The following HYCC1 variants were observed in gnomAD, a reference collection of about 807,000 sequenced individuals.
HYCC1 encodes hyccin PI4KA lipid kinase complex subunit 1, also known as hyccin.
the HYCC1 span, among the ~76,000 whole-genome samples, chr7:22,984,649 G>C: frequency 6.6e-6 from 1 of 152,200 alleles, no homozygotes; most frequent in African/African-American, 2.4e-5. Context: ...TTGAGCCTGG[G>C]AGGTCAACGC....
chr7:22,912,512 T>C, the HYCC1 span, among the ~76,000 whole-genome samples: 1 of 152,206 alleles, frequency 6.6e-6, no homozygotes, highest in South Asian at 2.1e-4. Flanking sequence ...ATGGAGGGTC[T>C]ACCCCAAGTG....
the HYCC1 span, among the ~76,000 whole-genome samples, chr7:22,961,774 T>C: frequency 6.6e-6 from 1 of 152,168 alleles, no homozygotes; most frequent in African/African-American, 2.4e-5. Context: ...TGATAATCAC[T>C]TAGAAGTGTA....
the HYCC1 span, among the ~76,000 whole-genome samples, chr7:22,970,143 CAG>C: frequency 6.6e-6 from 1 of 152,066 alleles, no homozygotes; most frequent in African/African-American, 2.4e-5. Flanking sequence ...AATAAAATTC[CAG>C]GTTCTCTCAT....
At chr7:22,925,328 C>A in the HYCC1 span, among the ~76,000 whole-genome samples, 3 of 152,242 alleles carry the variant, frequency 2.0e-5, no homozygotes, top group East Asian at 1.9e-4. Flanking sequence ...CAAAGCTGAG[C>A]GGAGAATAAC....
At chr7:22,945,580 T>C in the HYCC1 span, 1 of 1,581,992 alleles carries the variant, frequency 6.3e-7, no homozygotes, top group Admixed American at 1.7e-5. Context: ...GAGAAAAATA[T>C]GTTACTAATT....
chr7:22,998,846 A>C, the HYCC1 span, among the ~76,000 whole-genome samples: 1 of 152,152 alleles, frequency 6.6e-6, no homozygotes. Context: ...CTTCTACATC[A>C]AACTTTCCCT....
chr7:22,929,995 T>C, the HYCC1 span, among the ~76,000 whole-genome samples: 23 of 151,974 alleles, frequency 1.5e-4, no homozygotes, highest in Non-Finnish European at 2.9e-4. Flanking sequence ...ATATACACCA[T>C]GGAATACTAT....
the HYCC1 span, among the ~76,000 whole-genome samples, chr7:22,914,921 T>C: frequency 3.3e-5 from 5 of 152,190 alleles, no homozygotes; most frequent in Admixed American, 2.0e-4. Context: ...CTCTCCCACC[T>C]GCCCAAAAAT....
the HYCC1 span, among the ~76,000 whole-genome samples, chr7:22,998,965 T>G: frequency 1.3e-5 from 2 of 152,172 alleles, no homozygotes; most frequent in Non-Finnish European, 2.9e-5. Flanking sequence ...TTCTCTACCT[T>G]CCTTTCACTC....
At chr7:22,949,614 G>A in the HYCC1 span, among the ~76,000 whole-genome samples, 4 of 151,898 alleles carry the variant, frequency 2.6e-5, no homozygotes, top group East Asian at 7.7e-4. Flanking sequence ...TTTTTTAAGA[G>A]ATGCCAATGA....
the HYCC1 span, among the ~76,000 whole-genome samples, chr7:22,905,121 C>T: frequency 1.3e-5 from 2 of 152,202 alleles, no homozygotes; most frequent in Non-Finnish European, 2.9e-5. Flanking sequence ...AGGGTTGGCA[C>T]TAAGCCATTC....
the HYCC1 span, among the ~76,000 whole-genome samples, chr7:22,948,110 G>T: frequency 2.6e-5 from 4 of 152,034 alleles, no homozygotes; most frequent in Admixed American, 2.6e-4. Context: ...AATAAGAAAG[G>T]CATAATGTTA....
chr7:23,012,183 A>G, the HYCC1 span, among the ~76,000 whole-genome samples: 4 of 152,194 alleles, frequency 2.6e-5, no homozygotes, highest in Admixed American at 1.3e-4. Context: ...GAATACTAAG[A>G]TTTCTTAAAA....
chr7:22,933,148 T>C, the HYCC1 span, among the ~76,000 whole-genome samples: 1 of 152,214 alleles, frequency 6.6e-6, no homozygotes, highest in Non-Finnish European at 1.5e-5. Context: ...TCTCTTGTAT[T>C]AAGTCATGCA....
the HYCC1 span, chr7:22,945,138 C>A: frequency 5.6e-6 from 1 of 179,352 alleles, no homozygotes; most frequent in Admixed American, 5.7e-5. Context: ...GCCTCTGCCC[C>A]ATTCTCTATA....
chr7:22,977,984 G>C, the HYCC1 span, among the ~76,000 whole-genome samples: 1 of 152,072 alleles, frequency 6.6e-6, no homozygotes, highest in Non-Finnish European at 1.5e-5. Context: ...TGGACTTTAA[G>C]TTTACAAAAT....
At chr7:22,968,791 G>C in the HYCC1 span, among the ~76,000 whole-genome samples, 9 of 152,068 alleles carry the variant, frequency 5.9e-5, no homozygotes, top group Non-Finnish European at 1.2e-4. Flanking sequence ...TTCAAGACCA[G>C]CCTGGCCAAC....
chr7:22,905,390 T>A, the HYCC1 span, among the ~76,000 whole-genome samples: 2 of 136,884 alleles, frequency 1.5e-5, no homozygotes, highest in African/African-American at 5.6e-5. Flanking sequence ...TTTTGTATTT[T>A]TTTTTTTTTT....
At chr7:22,981,797 G>C in the HYCC1 span, among the ~76,000 whole-genome samples, 1 of 152,168 alleles carries the variant, frequency 6.6e-6, no homozygotes, top group Non-Finnish European at 1.5e-5. Context: ...TATCAAATTT[G>C]TGTGGTGCCT....
Sources: gnomAD v4.1 joint callset for allele counts (sites outside exome capture counted in the v4.1 genomes callset) on GRCh38, gnomAD v4.1.1 for gene constraint, MANE v1.5 for transcripts, NCBI Gene and HGNC (gene_info 2026-07-23, HGNC 2026-07-21) for gene names.